Variants in EPHA6 observed in about 807,000 individuals in gnomAD.
EPHA6 encodes the protein ephrin type-A receptor 6.
EPHA6 carries 50 observed loss-of-function variants against 112.0 expected under a neutral mutation model. The ratio of observed to expected loss-of-function variants is 0.45; its 90% CI spans 0.36 to 0.56. EPHA6 has a LOEUF of 0.56. Ranked by LOEUF, EPHA6 falls within the 20% of genes least tolerant of loss-of-function variation. The pLI, the probability that EPHA6 is intolerant of heterozygous loss-of-function variation, is 0.00. For missense variants in EPHA6, 1,280 were observed against 1,417.4 expected (o/e 0.90, Z 1.56); for synonymous variants, 529 against 490.7 (o/e 1.08, Z -1.03).
intron 2 of EPHA6, among the ~76,000 whole-genome samples, chr3:96,877,788 G>A (rs767800906): frequency 6.6e-6 from 1 of 151,726 alleles, no homozygotes; most frequent in African/African-American, 2.4e-5. Flanking sequence ...TAAATATAAT[G>A]CTTAACTTAG....
chr3:97,549,853 T>C (rs1023740071), intron 11 of EPHA6, among the ~76,000 whole-genome samples: 1 of 151,830 alleles, frequency 6.6e-6, no homozygotes, highest in African/African-American at 2.4e-5. Flanking sequence ...TAAAATAAAA[T>C]AAAAGTCTGG....
At chr3:97,340,349 G>T (rs1445179723) in intron 5 of EPHA6, among the ~76,000 whole-genome samples, 1 of 152,180 alleles carries the variant, frequency 6.6e-6, no homozygotes, top group East Asian at 1.9e-4. Flanking sequence ...ACTAAGAAGT[G>T]ACAGGGTGAG....
In EPHA6 at chr3:97,249,931, A is replaced by G. The variant is rs563023665; in HGVS notation, c.1606+5644A>G. 7.9e-5 allele frequency among the ~76,000 whole-genome samples: 12 copies of G among 152,308 alleles called. No individual in the cohort carries two copies. The South Asian group carries it at 2.5e-3, about 32-fold the overall frequency. ...TAACACTGTTCCTGCTTTTATAGACATTATACTTTAGTGTTAAAAAGTGAT... is the reference window on the plus strand; with the variant it reads ...TAACACTGTTCCTGCTTTTATAGACGTTATACTTTAGTGTTAAAAAGTGAT... On this transcript the variant is annotated intron_variant, in intron 5 of 17. Transcript: ENST00000389672.
At chr3:97,685,796 T>G (rs1203631145) in intron 14 of EPHA6, among the ~76,000 whole-genome samples, 6 of 152,190 alleles carry the variant, frequency 3.9e-5, no homozygotes, top group Admixed American at 2.0e-4. Context: ...CAGGTACTTT[T>G]AACACATGGT....
intron 7 of EPHA6, among the ~76,000 whole-genome samples, chr3:97,452,293 A>G (rs1360094466): frequency 1.3e-5 from 2 of 151,840 alleles, no homozygotes; most frequent in African/African-American, 2.4e-5. Context: ...AACTGGAGCT[A>G]TTGGTTTCCC....
At chr3:97,669,336 AT>A (rs1036827765) in intron 14 of EPHA6, among the ~76,000 whole-genome samples, 25 of 149,374 alleles carry the variant, frequency 1.7e-4, no homozygotes, top group Non-Finnish European at 2.7e-4. Context: ...CTCTTTTTTC[AT>A]TGTGTAGATC....
intron 11 of EPHA6, among the ~76,000 whole-genome samples, chr3:97,563,395 G>T (rs1577790350): frequency 6.6e-6 from 1 of 152,150 alleles, no homozygotes; most frequent in Non-Finnish European, 1.5e-5. Context: ...CTTCAAGAAG[G>T]CTACTGTGGC....
intron 5 of EPHA6, among the ~76,000 whole-genome samples, chr3:97,357,307 A>G (rs1235618833): frequency 6.6e-6 from 1 of 152,100 alleles, no homozygotes; most frequent in African/African-American, 2.4e-5. Flanking sequence ...CCCAGGTTCA[A>G]GTGATTCTTG....
At chr3:97,053,285 C>T (rs2045744369) in intron 3 of EPHA6, among the ~76,000 whole-genome samples, 1 of 151,990 alleles carries the variant, frequency 6.6e-6, no homozygotes, top group Non-Finnish European at 1.5e-5. Flanking sequence ...GTAGAGAGTA[C>T]TCACAGGGTT....
intron 11 of EPHA6, among the ~76,000 whole-genome samples, chr3:97,550,595 A>G (rs1316107100): frequency 1.3e-5 from 2 of 152,190 alleles, no homozygotes. Flanking sequence ...CACTGATGCA[A>G]TTCTGCAAGA....
chr3:97,594,782 C>T (rs1427026864), intron 12 of EPHA6, among the ~76,000 whole-genome samples: 2 of 152,124 alleles, frequency 1.3e-5, no homozygotes, highest in Non-Finnish European at 1.5e-5. Context: ...TTTCAGACAT[C>T]AATTTGAGGG....
intron 1 of EPHA6, among the ~76,000 whole-genome samples, chr3:96,844,711 A>C (rs2034968152): frequency 1.3e-5 from 2 of 152,012 alleles, no homozygotes; most frequent in Non-Finnish European, 2.9e-5. Context: ...GGTATACATG[A>C]TGATAATTCC....
chr3:97,205,573 G>A (rs1425026135), intron 3 of EPHA6, among the ~76,000 whole-genome samples: 2 of 151,962 alleles, frequency 1.3e-5, no homozygotes, highest in African/African-American at 4.8e-5. Flanking sequence ...GTAAACAGAA[G>A]GTTGACTTTT....
Position 97,256,633 on chromosome 3 carries a change from CTAAT to C in EPHA6, c.1606+12347_1606+12350del, listed in dbSNP as rs1402701868. Among the ~76,000 whole-genome samples the C allele has an allele frequency of 4.6e-5, 7 of 152,020 alleles. No homozygotes were observed. The East Asian group carries it at 1.4e-3, about 29-fold the overall frequency. On this transcript the variant is annotated intron_variant, in intron 5 of 17. Coordinates refer to ENST00000389672, the MANE Select transcript of EPHA6 (RefSeq NM_001080448.3). ...AATTTTAATATTCATTTTTCAGTAA[CTAAT>C]CATTTTTTTCATGGTTACATTTCTT...
At chr3:97,259,228 T>G (rs559701367) in intron 5 of EPHA6, among the ~76,000 whole-genome samples, 1 of 152,176 alleles carries the variant, frequency 6.6e-6, no homozygotes, top group Non-Finnish European at 1.5e-5. Flanking sequence ...CTGGTTCAAG[T>G]TGGCATTTGA....
chr3:97,171,239 A>C (rs988108522), intron 3 of EPHA6, among the ~76,000 whole-genome samples: 2 of 152,194 alleles, frequency 1.3e-5, no homozygotes, highest in Non-Finnish European at 2.9e-5. Flanking sequence ...TGAATGAAAA[A>C]CATTAAGTAT....
Position 96,869,260 on chromosome 3 carries a change from G to A in EPHA6, c.450+2371G>A, listed in dbSNP as rs142035444. Reference sequence around the variant, plus strand: ...AGCGATAATTATACAGAATCACTAGGCCAAAGAATGTGTCTTCAGGTTGTT... The same window carrying A: ...AGCGATAATTATACAGAATCACTAGACCAAAGAATGTGTCTTCAGGTTGTT... On this transcript the variant is annotated intron_variant, in intron 2 of 17. Transcript: ENST00000389672. 6.6e-5 allele frequency among the ~76,000 whole-genome samples: 10 copies of A among 151,866 alleles called. No individual in the cohort carries two copies. In the East Asian group the frequency reaches 1.6e-3, roughly 24 times the overall value.
chr3:97,033,848 A>C (rs2044975568), intron 3 of EPHA6, among the ~76,000 whole-genome samples: 1 of 151,908 alleles, frequency 6.6e-6, no homozygotes, highest in African/African-American at 2.4e-5. Context: ...CCCAAATTAT[A>C]ATACCTCTTT....
chr3:96,840,773 A>T (rs1380923689), intron 1 of EPHA6, among the ~76,000 whole-genome samples: 6 of 152,106 alleles, frequency 3.9e-5, no homozygotes, highest in African/African-American at 1.4e-4. Flanking sequence ...AAGTTGAGTC[A>T]TTACAGTGAC....
Sources: allele counts gnomAD v4.1 joint callset (sites outside exome capture counted in the v4.1 genomes callset), GRCh38; gene constraint gnomAD v4.1.1; transcripts MANE v1.5; gene names NCBI Gene and HGNC (gene_info 2026-07-23, HGNC 2026-07-21).